The following MKI67 variants were observed in gnomAD, a reference collection of about 807,000 sequenced individuals.
The protein encoded by MKI67 is marker of proliferation Ki-67, also known as proliferation marker protein Ki-67.
Under a neutral mutation model 233.5 loss-of-function variants are expected in MKI67, and 152 were observed. That is an observed-to-expected ratio of 0.65 (90% confidence interval 0.57 to 0.74). The LOEUF (loss-of-function observed/expected upper bound fraction) is 0.74. Among genes scored for constraint, MKI67 ranks in the 30% least tolerant of loss-of-function variants. MKI67 has a pLI of 0.00. For missense variants in MKI67, 3,940 were observed against 3,885.2 expected (o/e 1.01, Z -0.37); for synonymous variants, 1,465 against 1,418.5 (o/e 1.03, Z -0.74).
chr10:128,107,201 C>A lies in MKI67; in HGVS notation c.4639G>T (p.Gly1547Cys). 2 of 1,614,030 alleles carry A rather than the reference C, an allele frequency of 1.2e-6. No homozygotes were observed. The highest frequency in any genetic ancestry group is 1.7e-6 in the Non-Finnish European group (2 of 1,180,012). The change falls in exon 13 of 15, where the codon GGT becomes TGT. Residue 1547 changes from glycine (G) to cysteine (C), a missense_variant. Transcript: ENST00000368654. ...ATAAATGCGTAGATGTTTTTCTCAC[C>A]ACTTACTGCTGGTTTGGGTGTGTGC... ...AMHTPKPAVSGEKNIYAFMGT... is the reference protein window; with the variant it reads ...AMHTPKPAVSCEKNIYAFMGT...
Position 128,107,419 on chromosome 10 carries a change from A to AAG in MKI67, c.4419_4420dup (p.Phe1474SerfsTer20). On this transcript the variant is annotated frameshift_variant, in exon 13 of 15. Transcript: ENST00000368654. LOFTEE classifies it high-confidence loss of function. The stretch of plus-strand genomic sequence containing the variant: ...CTTGTCAGTGCATACTGGTGTCTGG[A>AAG]AGAGCTCTTTCAAGCCAGCCAGGTC... 3.1e-6 allele frequency: 5 copies of AAG among 1,613,500 alleles called. No homozygotes were observed. The highest frequency in any genetic ancestry group is 4.2e-6 in the Non-Finnish European group (5 of 1,179,908).
Position 128,108,678 on chromosome 10 carries a change from C to A in MKI67, c.3162G>T (p.Thr1054=), listed in dbSNP as rs1395550754. 2 of 1,614,042 alleles carry A rather than the reference C, an allele frequency of 1.2e-6. No homozygotes were observed. Among genetic ancestry groups the A allele is most frequent in the East Asian group, 2.2e-5 (1 of 44,886 alleles). Residue 1054 remains threonine (T), a synonymous_variant, in exon 13 of 15, where the codon ACG becomes ACT. Transcript: ENST00000368654. ...FTRTSGETTH[T]HREPAGDGKS... ...TGCCATCTCCTGCTGGCTCTCTGTGCGTGTGCGTGGTCTCCCCTGACGTCC... is the reference window on the plus strand; with the variant it reads ...TGCCATCTCCTGCTGGCTCTCTGTGAGTGTGCGTGGTCTCCCCTGACGTCC...
Position 128,111,674 on chromosome 10 carries a change from T to C in MKI67, c.2231A>G (p.Gln744Arg). 2 of 1,612,870 alleles carry C rather than the reference T, an allele frequency of 1.2e-6. No homozygotes were observed. The highest frequency in any genetic ancestry group is 1.7e-6 in the Non-Finnish European group (2 of 1,179,712). ...AAGATCTTCCTTAAAGTCCATTTTT[T>C]GGTTGGAAATGAAGTTGTTGAGCAC... ...YRVLNNFISN[Q>R]KMDFKEDLSG... The change falls in exon 11 of 15, where the codon CAA becomes CGA. Residue 744 changes from glutamine (Q) to arginine (R), a missense_variant. Physicochemically the swap from Gln to Arg is conservative, Grantham distance 43. Coordinates refer to ENST00000368654, the MANE Select transcript of MKI67 (RefSeq NM_002417.5).
chr10:128,115,875 C>T lies in MKI67; in HGVS notation c.533G>A (p.Gly178Glu). 6.2e-7 allele frequency: 1 copy of T among 1,608,996 alleles called. No homozygotes were observed. Among genetic ancestry groups the T allele is most frequent in the Non-Finnish European group, 8.5e-7 (1 of 1,180,018 alleles). Residue 178 changes from glycine to glutamate, a missense_variant, in exon 7 of 15, where the codon GGA (glycine) becomes GAA (glutamate). Transcript: ENST00000368654. The part of the protein sequence containing the change: ...ADDSKDSVAQ[G>E]TTNVHSSEHA... ...TTCTGAGGAATGAACATTAGTTGTT[C>T]CCTGAGCAACACTGTCTTTTGAGTC...
Position 128,098,927 on chromosome 10 carries a change from T to C in MKI67, c.*263A>G. The stretch of plus-strand genomic sequence containing the variant: ...TGTGGGTGGTGACAGACCTCAAGGC[T>C]TCATTCTGCAAAGCTGAGGGCAAAC... On this transcript the variant is annotated 3_prime_UTR_variant, in exon 15 of 15. Transcript: ENST00000368654. 3.1e-6 allele frequency: 1 copy of C among 318,194 alleles called. No individual in the cohort carries two copies. The allele number at this position is 318,194 out of a possible 1,614,324, so 19.7% of individuals were successfully genotyped here.
rs1266833993 is a variant in MKI67, at chr10:128,125,382, A to G, written c.92+194T>C. 6.6e-6 allele frequency among the ~76,000 whole-genome samples: 1 copy of G among 152,238 alleles called. No individual in the cohort carries two copies. Among genetic ancestry groups the G allele is most frequent in the African/African-American group, 2.4e-5 (1 of 41,464 alleles). On this transcript the variant is annotated intron_variant, in intron 2 of 14. Coordinates refer to ENST00000368654, the MANE Select transcript of MKI67 (RefSeq NM_002417.5). This position sits in a 1 kb window ranked among gnomAD's most constrained non-coding sequence, Gnocchi z 5.3. ...GCTTGATTTTTAAAACCACTTAAAC[A>G]TACAAACTAGCATCAAATTTATACT...
In MKI67 at chr10:128,102,807, C is replaced by T. The variant is rs923423306; in HGVS notation, c.9033G>A (p.Arg3011=). The T allele has an allele frequency of 3.7e-6, 6 of 1,614,128 alleles. No homozygotes were observed. Among genetic ancestry groups the T allele is most frequent in the Admixed American group, 1.7e-5 (1 of 60,014 alleles). Residue 3011 remains arginine, a synonymous_variant, in exon 13 of 15, where the codon AGG becomes AGA. Coordinates refer to ENST00000368654, the MANE Select transcript of MKI67 (RefSeq NM_002417.5). ...GKDGSVTGTK[R]LRCMPAPEEI... ...CCTCTGGTGCTGGCATGCAGCGCAG[C>T]CTCTTGGTTCCCGTGACGCTTCCAT...
chr10:128,102,612 T>C lies in MKI67; in HGVS notation c.9228A>G (p.Glu3076=). 1 of 1,614,106 alleles carries C rather than the reference T, an allele frequency of 6.2e-7. No homozygotes were observed. Among genetic ancestry groups the C allele is most frequent in the Non-Finnish European group, 8.5e-7 (1 of 1,179,930 alleles). ...NSNDMKTNKE[E]HKLQDSVPEN... Reference sequence around the variant, plus strand: ...CAGGGACCGAGTCTTGTAATTTGTGTTCCTCTTTGTTGGTTTTCATGTCGT... The same window carrying C: ...CAGGGACCGAGTCTTGTAATTTGTGCTCCTCTTTGTTGGTTTTCATGTCGT... Residue 3076 remains glutamate (E), a synonymous_variant, in exon 13 of 15, where the codon GAA becomes GAG. Coordinates refer to ENST00000368654, the MANE Select transcript of MKI67 (RefSeq NM_002417.5).
chr10:128,116,091 T>C, intron 6 of MKI67, 84 bp from the exon 7 acceptor site: 1 of 1,456,178 alleles, frequency 6.9e-7, no homozygotes. Flanking sequence ...ATTTTAATTG[T>C]TTCAGGTTGT....
In MKI67 at chr10:128,125,613, G is replaced by A. The variant is rs1853038796; in HGVS notation, c.55C>T (p.His19Tyr). Residue 19 changes from histidine (H) to tyrosine (Y), a missense_variant, in exon 2 of 15, where the codon CAC (histidine) becomes TAC (tyrosine). Coordinates refer to ENST00000368654, the MANE Select transcript of MKI67 (RefSeq NM_002417.5). The surrounding 1 kb of genome is among the most constrained non-coding windows in gnomAD (Gnocchi z 5.3). Reference sequence around the variant, plus strand: ...CAGGTGCTGAGGCTCAGGGGAAAGTGGGGACCGTCGACCCCGCTCCTTTTG... The same window carrying A: ...CAGGTGCTGAGGCTCAGGGGAAAGTAGGGACCGTCGACCCCGCTCCTTTTG... ...TIKRSGVDGPHFPLSLSTCLF... is the reference protein window; with the variant it reads ...TIKRSGVDGPYFPLSLSTCLF... 1 of 1,613,516 alleles carries A rather than the reference G, an allele frequency of 6.2e-7. No individual in the cohort carries two copies. Among genetic ancestry groups the A allele is most frequent in the South Asian group, 1.1e-5 (1 of 91,064 alleles).
At chr10:128,120,416 C>T (rs1177538028) in intron 4 of MKI67, among the ~76,000 whole-genome samples, 2 of 151,954 alleles carry the variant, frequency 1.3e-5, no homozygotes, top group East Asian at 1.9e-4. Context: ...CACTTGAACC[C>T]GGGAGGCGGA....
At chr10:128,124,361 T>C (rs999921799) in intron 2 of MKI67, among the ~76,000 whole-genome samples, 1 of 152,224 alleles carries the variant, frequency 6.6e-6, no homozygotes, top group Non-Finnish European at 1.5e-5. Flanking sequence ...TTGGGCCAGA[T>C]GCTTCTGTAT....
At position 128,115,310 on chromosome 10, in the gene MKI67, C is replaced by A. The variant is rs775656696; in HGVS notation, c.1098G>T (p.Leu366=). The part of the protein sequence containing the change: ...NSPQKHKNKD[L]YTTGRRESVN... ...CAGATTCTCTTCTACCAGTAGTATA[C>A]AGGTCTTTGTTCTTATGTTTTTGTG... is the stretch of plus-strand genomic sequence containing the variant. The change falls in exon 7 of 15, where the codon CTG becomes CTT. Residue 366 remains leucine (L), a synonymous_variant. Coordinates refer to ENST00000368654, the MANE Select transcript of MKI67 (RefSeq NM_002417.5). 6.2e-7 allele frequency: 1 copy of A among 1,614,094 alleles called. No individual in the cohort carries two copies. Among genetic ancestry groups the A allele is most frequent in the Non-Finnish European group, 8.5e-7 (1 of 1,180,024 alleles).
chr10:128,116,448 C>T, intron 6 of MKI67, 43 bp downstream of exon 6: 1 of 1,576,280 alleles, frequency 6.3e-7, no homozygotes, highest in Non-Finnish European at 8.7e-7. Context: ...TCGCAAAGAC[C>T]TGATCTTTCA....
chr10:128,111,481 A>G, intron 11 of MKI67, 164 bp downstream of exon 11: 1 of 655,070 alleles, frequency 1.5e-6, no homozygotes, highest in Non-Finnish European at 2.4e-6. Context: ...TTGCAAGCCA[A>G]AACAGCTTTA....
intron 14 of MKI67, 47 bp downstream of exon 14, chr10:128,101,211 C>G (rs1462246190): frequency 4.3e-5 from 68 of 1,570,302 alleles, no homozygotes; most frequent in Non-Finnish European, 5.9e-5. Context: ...AAAAATACAT[C>G]AAAACATTCT....
rs1015914810 is a variant in MKI67, at chr10:128,126,298, C to A, written c.-289G>T. The A allele has an allele frequency of 1.3e-5, 2 of 152,814 alleles. No homozygotes were observed. The highest frequency in any genetic ancestry group is 4.8e-5 in the African/African-American group (2 of 41,452). The allele number at this position is 152,814 out of a possible 1,614,324, so 9.5% of individuals were successfully genotyped here. On this transcript the variant is annotated 5_prime_UTR_variant, in exon 1 of 15. Coordinates refer to ENST00000368654, the MANE Select transcript of MKI67 (RefSeq NM_002417.5). ...CTGCAGTCCCCGCTGCTCCCGCCGC[C>A]GCCTCTGACGGGGACCCGGTGGCCC...
In MKI67 at chr10:128,125,812, C is replaced by T; in HGVS notation, c.-89-56G>A. On this transcript the variant is annotated intron_variant, in intron 1 of 14. Transcript: ENST00000368654. The surrounding 1 kb of genome is among the most constrained non-coding windows in gnomAD (Gnocchi z 5.3). The stretch of plus-strand genomic sequence containing the variant: ...CAAAGGAGCTAAGAAGGGCCCCGTG[C>T]CCAATTCACCTATCCCCGGCCACAG... The T allele has an allele frequency of 1.4e-6, 1 of 716,364 alleles. No homozygotes were observed. The highest frequency in any genetic ancestry group is 2.5e-6 in the Non-Finnish European group (1 of 406,048). 44.4% of individuals were successfully genotyped at this position (716,364 alleles called of 1,614,324 possible). A position where few individuals can be genotyped will look rare whatever the true frequency, so the allele number is the denominator to read the frequency against.
intron 4 of MKI67, among the ~76,000 whole-genome samples, chr10:128,122,374 C>T (rs570877493): frequency 6.6e-6 from 1 of 152,198 alleles, no homozygotes; most frequent in South Asian, 2.1e-4. Flanking sequence ...GCTCAAAAAG[C>T]CTTCATTGCC....
Sources: allele counts gnomAD v4.1 joint callset (sites outside exome capture counted in the v4.1 genomes callset), GRCh38; gene constraint gnomAD v4.1.1; non-coding constraint Gnocchi (gnomAD v3.1); transcripts MANE v1.5; gene names NCBI Gene and HGNC (gene_info 2026-07-23, HGNC 2026-07-21).